The following PDZD2 variants were observed in gnomAD, a reference collection of about 807,000 sequenced individuals.
The protein encoded by PDZD2 is PDZ domain containing 2.
Under a neutral mutation model 220.7 loss-of-function variants are expected in PDZD2, and 90 were observed. That is an observed-to-expected ratio of 0.41 (90% CI 0.34 to 0.49). PDZD2 has a LOEUF of 0.49. Ranked by LOEUF, PDZD2 falls within the 20% of genes least tolerant of loss-of-function variation. The pLI, the probability that PDZD2 is intolerant of heterozygous loss-of-function variation, is 0.28. For missense variants in PDZD2, 3,174 were observed against 3,608.5 expected, an observed-to-expected ratio of 0.88 and a Z score of 3.08; for synonymous variants, 1,375 against 1,450.5, an observed-to-expected ratio of 0.95 and a Z score of 1.18.
intron 2 of PDZD2, among the ~76,000 whole-genome samples, chr5:31,862,369 G>T (rs1438387585): frequency 6.6e-6 from 1 of 151,880 alleles, no homozygotes; most frequent in East Asian, 1.9e-4. Flanking sequence ...CTCCCAAAGT[G>T]CTGGAATTAC....
chr5:32,023,875 C>T (rs1042538448), intron 6 of PDZD2, among the ~76,000 whole-genome samples: 7 of 152,180 alleles, frequency 4.6e-5, no homozygotes, highest in Non-Finnish European at 8.8e-5. Flanking sequence ...ACAAACAATT[C>T]GTAAGTTTTA....
chr5:31,725,290 A>C (rs1749054386), intron 1 of PDZD2, among the ~76,000 whole-genome samples: 1 of 148,092 alleles, frequency 6.8e-6, no homozygotes, highest in Non-Finnish European at 1.5e-5. Flanking sequence ...GTGAGCCAAG[A>C]TCATGCCATT....
chr5:32,079,615 T>A (rs1741712569), intron 19 of PDZD2, among the ~76,000 whole-genome samples: 1 of 151,908 alleles, frequency 6.6e-6, no homozygotes, highest in Non-Finnish European at 1.5e-5. Context: ...GAGACCAGCC[T>A]GGCCAACATG....
rs923329739 is a variant in PDZD2 at position 32,017,374 on chromosome 5, C to T, written c.1407+6892C>T. ...GAATCGCTTGAACCCCGGAGGCAGA[C>T]GTGGCAGTGAGCCGAGATGGGTGCC... On this transcript the variant is annotated intron_variant, in intron 6 of 24. Transcript: ENST00000438447. Among the ~76,000 whole-genome samples the T allele has an allele frequency of 7.3e-5, 11 of 151,214 alleles. No individual in the cohort carries two copies. The South Asian group carries it at 1.3e-3, about 17-fold the overall frequency.
chr5:32,060,184 A>G (rs1342958891), intron 13 of PDZD2, among the ~76,000 whole-genome samples: 1 of 152,218 alleles, frequency 6.6e-6, no homozygotes, highest in Non-Finnish European at 1.5e-5. Flanking sequence ...ATATGAAAAA[A>G]AATTTAGCAA....
At chr5:31,643,897 C>A (rs976029084) in intron 1 of PDZD2, among the ~76,000 whole-genome samples, 4 of 151,992 alleles carry the variant, frequency 2.6e-5, no homozygotes, top group African/African-American at 9.7e-5. Flanking sequence ...CGGCTCACAG[C>A]AGCCTTGACC....
chr5:31,749,861 G>C (rs1399137921), intron 1 of PDZD2, among the ~76,000 whole-genome samples: 1 of 152,150 alleles, frequency 6.6e-6, no homozygotes, highest in African/African-American at 2.4e-5. Context: ...GCCGCGCGTG[G>C]CTTCCCCTTC....
chr5:31,962,571 C>T (rs1748347243), intron 2 of PDZD2, among the ~76,000 whole-genome samples: 1 of 152,162 alleles, frequency 6.6e-6, no homozygotes, highest in South Asian at 2.1e-4. Context: ...TCCCCTGGAA[C>T]CTATTTTGAG....
chr5:31,800,353 C>G (rs1398284618), intron 2 of PDZD2, among the ~76,000 whole-genome samples: 1 of 152,176 alleles, frequency 6.6e-6, no homozygotes, highest in Non-Finnish European at 1.5e-5. Flanking sequence ...GCTCAGTTCT[C>G]CCAGCAATGA....
chr5:31,932,036 A>C (rs554664580), intron 2 of PDZD2, among the ~76,000 whole-genome samples: 6 of 152,250 alleles, frequency 3.9e-5, no homozygotes, highest in Non-Finnish European at 8.8e-5. Context: ...CAGTGCTGAC[A>C]TTATCATCTC....
chr5:32,093,119 C>CTGT, intron 21 of PDZD2, 95 bp downstream of exon 21: 1 of 702,726 alleles, frequency 1.4e-6, no homozygotes. Flanking sequence ...AGAGCCCGCC[C>CTGT]CGAGTCCTGG....
chr5:31,807,909 A>G (rs530822681), intron 2 of PDZD2, among the ~76,000 whole-genome samples: 1 of 152,258 alleles, frequency 6.6e-6, no homozygotes, highest in South Asian at 2.1e-4. Flanking sequence ...TCAGCACAGT[A>G]CCCGCTGCCT....
chr5:31,826,692 T>C (rs1269724499), intron 2 of PDZD2, among the ~76,000 whole-genome samples: 2 of 151,456 alleles, frequency 1.3e-5, no homozygotes, highest in Non-Finnish European at 2.9e-5. Flanking sequence ...AAAAAAAAGA[T>C]ATATGAAACC....
At chr5:31,962,560 C>A (rs993407093) in intron 2 of PDZD2, among the ~76,000 whole-genome samples, 3 of 152,178 alleles carry the variant, frequency 2.0e-5, no homozygotes, top group African/African-American at 2.4e-5. Context: ...TGTCCTGGGC[C>A]TCCCCTGGAA....
At chr5:31,909,936 A>G (rs1274490426) in intron 2 of PDZD2, among the ~76,000 whole-genome samples, 1 of 152,160 alleles carries the variant, frequency 6.6e-6, no homozygotes, top group African/African-American at 2.4e-5. Flanking sequence ...TATTCATATA[A>G]CCCTGCCACA....
At chr5:31,689,277 A>T (rs1248867384) in intron 1 of PDZD2, among the ~76,000 whole-genome samples, 1 of 85,712 alleles carries the variant, frequency 1.2e-5, no homozygotes, top group East Asian at 5.0e-4. Flanking sequence ...ACATATATAC[A>T]TATATATACA....
Position 32,083,842 on chromosome 5 carries a change from A to T in PDZD2, c.3683-3289A>T, listed in dbSNP as rs1742199650. On this transcript the variant is annotated intron_variant, in intron 19 of 24. Transcript: ENST00000438447. The surrounding 1 kb of genome is among the most constrained non-coding windows in gnomAD (Gnocchi z 4.1). ...CAGACGTGCACCACCACACCTGGCT[A>T]ATTTTTGTATTTTTAGTAGAGATGG... Among the ~76,000 whole-genome samples the T allele has an allele frequency of 6.6e-6, 1 of 151,640 alleles. No individual in the cohort carries two copies. Among genetic ancestry groups the T allele is most frequent in the Non-Finnish European group, 1.5e-5 (1 of 67,948 alleles).
At chr5:31,893,892 T>C (rs1741289838) in intron 2 of PDZD2, among the ~76,000 whole-genome samples, 3 of 151,758 alleles carry the variant, frequency 2.0e-5, no homozygotes, top group African/African-American at 7.2e-5. Context: ...TATTTATTTA[T>C]TTATTTATTT....
intron 2 of PDZD2, among the ~76,000 whole-genome samples, chr5:31,826,401 G>A (rs561485360): frequency 2.6e-5 from 4 of 152,212 alleles, no homozygotes; most frequent in South Asian, 4.2e-4. Flanking sequence ...GGCCAGCCAC[G>A]GTGGTTCATG....
Sources: allele counts gnomAD v4.1 joint callset (sites outside exome capture counted in the v4.1 genomes callset), GRCh38; gene constraint gnomAD v4.1.1; non-coding constraint Gnocchi (gnomAD v3.1); transcripts MANE v1.5; gene names NCBI Gene and HGNC (gene_info 2026-07-23, HGNC 2026-07-21).